The following ZC3H13 variants were observed in gnomAD, a reference collection of about 807,000 sequenced individuals.
ZC3H13 encodes the protein zinc finger CCCH domain-containing protein 13.
In ZC3H13, 64 loss-of-function variants were observed where a neutral mutation model predicts 204.1. The ratio of observed to expected loss-of-function variants is 0.31; its 90% CI spans 0.26 to 0.39. The LOEUF (loss-of-function observed/expected upper bound fraction) is 0.39, where lower values mean the gene tolerates loss of function less well. ZC3H13 is among the 10% of genes least tolerant of loss of function. The pLI, the probability that ZC3H13 is intolerant of heterozygous loss-of-function variation, is 1.00. For synonymous variants in ZC3H13, 667 were observed against 693.7 expected (o/e 0.96, Z 0.60); for missense variants, 1,833 against 2,082.7 (o/e 0.88, Z 2.33).
intron 9 of ZC3H13, among the ~76,000 whole-genome samples, chr13:45,987,047 T>C (rs1346422591): frequency 6.6e-6 from 1 of 152,210 alleles, no homozygotes; most frequent in African/African-American, 2.4e-5. Flanking sequence ...CAATACCAAC[T>C]GTGCCTGAAA....
chr13:45,954,564 A>G lies in ZC3H13; in HGVS notation c.*2563T>C, dbSNP rs1267509817. 1 of 152,242 alleles carries G rather than the reference A, an allele frequency of 6.6e-6. No individual in the cohort carries two copies. Among genetic ancestry groups the G allele is most frequent in the African/African-American group, 2.4e-5 (1 of 41,474 alleles). The allele number at this position is 152,242 out of a possible 1,614,324, so 9.4% of individuals were successfully genotyped here. ...AAATACAATATTTAGAAAGATGGCT[A>G]TATAATTTTAGCTAGGAAAATCAGT... is the stretch of plus-strand genomic sequence containing the variant. On this transcript the variant is annotated 3_prime_UTR_variant, in exon 19 of 19. Transcript: ENST00000679008.
In ZC3H13 at chr13:45,954,782, T is replaced by C. The variant is rs890062696; in HGVS notation, c.*2345A>G. The C allele has an allele frequency of 1.3e-5, 2 of 152,230 alleles. No homozygotes were observed. Among genetic ancestry groups the C allele is most frequent in the African/African-American group, 4.8e-5 (2 of 41,456 alleles). 9.4% of individuals were successfully genotyped at this position (152,230 alleles called of 1,614,324 possible). A position where few individuals can be genotyped will look rare whatever the true frequency, so the allele number is the denominator to read the frequency against. On this transcript the variant is annotated 3_prime_UTR_variant, in exon 19 of 19. Transcript: ENST00000679008. ...AAGTTAATAAGTCATAAAATCCTAATGTAGTCATAGGCTAGGATGGTGACG... is the reference window on the plus strand; with the variant it reads ...AAGTTAATAAGTCATAAAATCCTAACGTAGTCATAGGCTAGGATGGTGACG...
At chr13:46,033,719 C>A (rs139753496) in intron 4 of ZC3H13, among the ~76,000 whole-genome samples, 18 of 152,140 alleles carry the variant, frequency 1.2e-4, no homozygotes, top group Middle Eastern at 3.4e-3. Flanking sequence ...GCTGATTCCA[C>A]ATATATAGTA....
intron 4 of ZC3H13, among the ~76,000 whole-genome samples, chr13:46,028,338 G>A (rs1470355290): frequency 2.0e-5 from 3 of 152,014 alleles, no homozygotes; most frequent in Admixed American, 6.6e-5. Context: ...GGCAAAAACC[G>A]ATAAAATTGC....
intron 4 of ZC3H13, among the ~76,000 whole-genome samples, chr13:46,030,824 T>C (rs978347532): frequency 6.6e-6 from 1 of 152,210 alleles, no homozygotes; most frequent in Non-Finnish European, 1.5e-5. Flanking sequence ...TGAAGAGTTA[T>C]TCCATGCTCT....
chr13:45,977,707 T>C (rs928059110), intron 11 of ZC3H13, among the ~76,000 whole-genome samples: 2 of 150,532 alleles, frequency 1.3e-5, no homozygotes, highest in East Asian at 3.9e-4. Context: ...ACTCAGACCT[T>C]GATCAGGTCT....
chr13:46,038,664 T>A (rs934430525), intron 4 of ZC3H13, among the ~76,000 whole-genome samples: 4 of 152,156 alleles, frequency 2.6e-5, no homozygotes, highest in African/African-American at 9.7e-5. Context: ...AGATCAACAG[T>A]CATGTGTTGC....
In ZC3H13 at chr13:45,965,271, A is replaced by T. The variant is rs1486981183; in HGVS notation, c.4474+9T>A. On this transcript the variant is annotated intron_variant, in intron 16 of 18. Transcript: ENST00000679008. ...ATTTTCATGTTTAACCACCTCTGCA[A>T]ATAGTTACCTGGCATCTTCTCCTCA... The T allele has an allele frequency of 5.0e-6, 8 of 1,612,300 alleles. No homozygotes were observed. The highest frequency in any genetic ancestry group is 6.8e-6 in the Non-Finnish European group (8 of 1,179,174).
chr13:46,047,674 T>A (rs2044069052), intron 1 of ZC3H13, among the ~76,000 whole-genome samples: 1 of 151,776 alleles, frequency 6.6e-6, no homozygotes, highest in Non-Finnish European at 1.5e-5. Context: ...AAAACTTTTT[T>A]AACAATATAT....
intron 4 of ZC3H13, among the ~76,000 whole-genome samples, chr13:46,033,100 A>G (rs571338267): frequency 6.6e-6 from 1 of 152,138 alleles, no homozygotes; most frequent in African/African-American, 2.4e-5. Context: ...GACTTTTCTG[A>G]ATGTAAAACT....
chr13:46,020,322 G>A, intron 5 of ZC3H13, 127 bp downstream of exon 5: 1 of 742,480 alleles, frequency 1.3e-6, no homozygotes, highest in Non-Finnish European at 2.2e-6. Context: ...CAGTAAGATA[G>A]AAATATGTCA....
intron 18 of ZC3H13, 133 bp from the exon 19 acceptor site, chr13:45,957,430 G>A: frequency 1.1e-6 from 1 of 918,874 alleles, no homozygotes; most frequent in Admixed American, 4.1e-5. Flanking sequence ...TAGCTTTATT[G>A]GATTTCAAAG....
rs1566169792 is a variant in ZC3H13 at position 45,970,444 on chromosome 13, C to T, written c.2490G>A (p.Gly830=). ...RKSKKRYRNE[G]SPSPRQSPKR... ...TCGGGGACTGTCTAGGGCTGGGACT[C>T]CCTTCATTTCTATAGCGCTTCCTAA... Residue 830 remains glycine, a synonymous_variant, in exon 13 of 19, where the codon GGG becomes GGA. Coordinates refer to ENST00000679008, the MANE Select transcript of ZC3H13 (RefSeq NM_001330564.2). 1.9e-6 allele frequency: 3 copies of T among 1,612,794 alleles called. No homozygotes were observed. The South Asian group carries it at 3.3e-5, about 18-fold the overall frequency.
chr13:46,007,561 A>T (rs1467745746), intron 7 of ZC3H13, among the ~76,000 whole-genome samples: 3 of 152,184 alleles, frequency 2.0e-5, no homozygotes, highest in Admixed American at 6.5e-5. Flanking sequence ...TATAATCACA[A>T]TCTGGACTAT....
rs753515049 is a variant in ZC3H13 at position 46,045,375 on chromosome 13, A to G, written c.117+16T>C. 9 of 1,576,354 alleles carry G rather than the reference A, an allele frequency of 5.7e-6. No individual in the cohort carries two copies. The highest frequency in any genetic ancestry group is 7.0e-6 in the Non-Finnish European group (8 of 1,145,874). On this transcript the variant is annotated intron_variant, in intron 2 of 18. Coordinates refer to ENST00000679008, the MANE Select transcript of ZC3H13 (RefSeq NM_001330564.2). Reference sequence around the variant, plus strand: ...ATTCTAAGAGAACCCCTGTGACTATACTAGTGACAACTCACCTCTGCTGTA... The same window carrying G: ...ATTCTAAGAGAACCCCTGTGACTATGCTAGTGACAACTCACCTCTGCTGTA...
chr13:46,022,964 T>C (rs1164446155), intron 4 of ZC3H13, among the ~76,000 whole-genome samples: 1 of 152,194 alleles, frequency 6.6e-6, no homozygotes. Flanking sequence ...ATTTTAGATG[T>C]TTATATTACT....
At chr13:45,988,520 GTGT>G (rs2039721925) in intron 9 of ZC3H13, among the ~76,000 whole-genome samples, 1 of 152,270 alleles carries the variant, frequency 6.6e-6, no homozygotes, top group Non-Finnish European at 1.5e-5. Context: ...GCCTCCCAAA[GTGT>G]TGAGATTACA....
chr13:46,026,877 CAA>C (rs1390134562), intron 4 of ZC3H13, among the ~76,000 whole-genome samples: 1 of 151,638 alleles, frequency 6.6e-6, no homozygotes, highest in Non-Finnish European at 1.5e-5. Flanking sequence ...TCAACAACAA[CAA>C]AAAAATAAGC....
In ZC3H13 at chr13:45,968,870, T is replaced by C. The variant is rs772799023; in HGVS notation, c.3674A>G (p.Lys1225Arg). The C allele has an allele frequency of 1.2e-6, 2 of 1,614,186 alleles. No individual in the cohort carries two copies. The highest frequency in any genetic ancestry group is 1.1e-5 in the South Asian group (1 of 91,088). ...HRSGDDQSGR[K>R]RVLHSGSRDR... Reference sequence around the variant, plus strand: ...TCTTGAGCCACTGTGCAGTACTCTCTTTCGACCACTTTGGTCATCTCCACT... The same window carrying C: ...TCTTGAGCCACTGTGCAGTACTCTCCTTCGACCACTTTGGTCATCTCCACT... The change falls in exon 14 of 19, where the codon AAG becomes AGG. Residue 1225 changes from lysine to arginine, a missense_variant. Coordinates refer to ENST00000679008, the MANE Select transcript of ZC3H13 (RefSeq NM_001330564.2).
Sources: allele counts gnomAD v4.1 joint callset (sites outside exome capture counted in the v4.1 genomes callset), GRCh38; gene constraint gnomAD v4.1.1; transcripts MANE v1.5; gene names NCBI Gene and HGNC (gene_info 2026-07-23, HGNC 2026-07-21).